ITGB6: variants seen among roughly 807,000 people sequenced by gnomAD.
The protein encoded by ITGB6 is integrin subunit beta 6.
A neutral mutation model predicts 84.5 loss-of-function variants in ITGB6; 80 were observed. The ratio of observed to expected loss-of-function variants is 0.95; its 90% CI spans 0.79 to 1.14. The LOEUF (loss-of-function observed/expected upper bound fraction) is 1.14. ITGB6 is among the 50% of genes most tolerant of loss of function. ITGB6 has a pLI of 0.00. For synonymous variants in ITGB6, 383 were observed against 354.9 expected, an observed-to-expected ratio of 1.08 and a Z score of -0.89; for missense variants, 1,006 against 968.0, an observed-to-expected ratio of 1.04 and a Z score of -0.52.
chr2:160,172,670 A>G lies in ITGB6; in HGVS notation c.820T>C (p.Ser274Pro), dbSNP rs1685257998. ...HLLVFVSDADSHFGMDSKLAG... is the reference protein window; with the variant it reads ...HLLVFVSDADPHFGMDSKLAG... Reference sequence around the variant, plus strand: ...AGTTTGCTGTCCATTCCAAAATGAGAATCAGCATCACTCACAAAGACCAGG... The same window carrying G: ...AGTTTGCTGTCCATTCCAAAATGAGGATCAGCATCACTCACAAAGACCAGG... The change falls in exon 6 of 15, where the codon TCT becomes CCT. Residue 274 changes from serine (S) to proline (P), a missense_variant. Transcript: ENST00000283249. The G allele has an allele frequency of 6.2e-7, 1 of 1,611,292 alleles. No homozygotes were observed. The highest frequency in any genetic ancestry group is 1.7e-5 in the Admixed American group (1 of 59,970).
chr2:160,195,445 C>T lies in ITGB6; in HGVS notation c.517G>A (p.Gly173Ser), dbSNP rs373088517. ...GGTTTTTCCACAAAAGATCCGAAGC[C>T]CAGTCTAAAGTTGCTGGTTAATTTA... ...MSKLTSNFRL[G>S]FGSFVEKPVS... Residue 173 changes from glycine (G) to serine (S), a missense_variant, in exon 4 of 15, where the codon GGC becomes AGC. Coordinates refer to ENST00000283249, the MANE Select transcript of ITGB6 (RefSeq NM_000888.5). The T allele has an allele frequency of 6.2e-7, 1 of 1,614,160 alleles. No individual in the cohort carries two copies. Among genetic ancestry groups the T allele is most frequent in the East Asian group, 2.2e-5 (1 of 44,882 alleles).
chr2:160,174,167 T>C (rs752781161), intron 4 of ITGB6, 28 bp from the exon 5 acceptor site: 2 of 1,522,204 alleles, frequency 1.3e-6, no homozygotes, highest in East Asian at 2.3e-5. Flanking sequence ...AAAAATACTG[T>C]TGATGAAATA....
intron 12 of ITGB6, among the ~76,000 whole-genome samples, chr2:160,115,141 G>T (rs998679608): frequency 1.3e-5 from 2 of 152,252 alleles, no homozygotes; most frequent in Non-Finnish European, 2.9e-5. Context: ...CAGCTTTGAA[G>T]AGAGTAGTGG....
rs1682980858 is a variant in ITGB6, at chr2:160,120,426, C to T, written c.1981+3365G>A. Among the ~76,000 whole-genome samples the T allele has an allele frequency of 4.3e-5, 2 of 46,274 alleles. 1 individual carries two copies. 30.4% of individuals were successfully genotyped at this position (46,274 alleles called of 152,430 possible). ...GTAAACTATCGCAAGAACAAAAAAC[C>T]AAACACCGCATATTCTCACTCATAG... is the stretch of plus-strand genomic sequence containing the variant. On this transcript the variant is annotated intron_variant, in intron 12 of 14. Coordinates refer to ENST00000283249, the MANE Select transcript of ITGB6 (RefSeq NM_000888.5).
Position 160,174,016 on chromosome 2 carries a change from G to C in ITGB6, c.717C>G (p.Pro239=), listed in dbSNP as rs61737769. The C allele has an allele frequency of 1.5e-3, 2,353 of 1,613,548 alleles. 35 individuals are homozygous for C. In the African/African-American group the frequency reaches 0.029, roughly 20 times the overall value. ...GCATAATTGCATCAAATCCACCTTCGGGTGTGTCAATATTAGCAGAAATTT... is the reference window on the plus strand; with the variant it reads ...GCATAATTGCATCAAATCCACCTTCCGGTGTGTCAATATTAGCAGAAATTT... ...NQKISANIDT[P]EGGFDAIMQA... is the part of the protein sequence containing the mutation. The change falls in exon 5 of 15, where the codon CCC becomes CCG. Residue 239 remains proline (P), a synonymous_variant. Coordinates refer to ENST00000283249, the MANE Select transcript of ITGB6 (RefSeq NM_000888.5).
At chr2:160,106,446 C>T (rs1696909690) in intron 14 of ITGB6, among the ~76,000 whole-genome samples, 1 of 152,066 alleles carries the variant, frequency 6.6e-6, no homozygotes, top group African/African-American at 2.4e-5. Context: ...TGCCATGTTG[C>T]CCAACTCGAA....
At chr2:160,131,363 T>C (rs1683461687) in intron 10 of ITGB6, among the ~76,000 whole-genome samples, 1 of 152,138 alleles carries the variant, frequency 6.6e-6, no homozygotes. Flanking sequence ...AGAAGCTGTA[T>C]GAAAAAGAAC....
intron 4 of ITGB6, among the ~76,000 whole-genome samples, chr2:160,183,930 A>G (rs560511284): frequency 7.2e-5 from 11 of 152,362 alleles, no homozygotes; most frequent in African/African-American, 2.2e-4. Context: ...TTTGAAACCA[A>G]TGAGAACAAA....
chr2:160,106,884 T>C (rs1167106520), intron 14 of ITGB6, among the ~76,000 whole-genome samples: 1 of 152,190 alleles, frequency 6.6e-6, no homozygotes, highest in East Asian at 1.9e-4. Context: ...TCCAGTGATA[T>C]CATTGTTGTT....
At chr2:160,199,142 A>G (rs780698118) in intron 2 of ITGB6, 37 bp downstream of exon 2, 13 of 1,508,954 alleles carry the variant, frequency 8.6e-6, no homozygotes, top group South Asian at 1.1e-5. Flanking sequence ...TTAACTGCAG[A>G]CAGGTTTTAA....
At chr2:160,150,587 G>A (rs1404282716) in intron 7 of ITGB6, among the ~76,000 whole-genome samples, 1 of 152,158 alleles carries the variant, frequency 6.6e-6, no homozygotes, top group African/African-American at 2.4e-5. Context: ...ATAATGACAG[G>A]ATGAAATTCA....
At chr2:160,130,804 G>A (rs182518685) in intron 10 of ITGB6, among the ~76,000 whole-genome samples, 8 of 152,242 alleles carry the variant, frequency 5.3e-5, no homozygotes, top group Non-Finnish European at 7.3e-5. Flanking sequence ...AAATTAATAT[G>A]ATTTACAAAT....
chr2:160,166,419 A>T (rs771639213), intron 7 of ITGB6, among the ~76,000 whole-genome samples: 4 of 152,230 alleles, frequency 2.6e-5, no homozygotes, highest in Non-Finnish European at 5.9e-5. Flanking sequence ...GAAATAGCCC[A>T]CAGTGATTAA....
At chr2:160,191,008 AAC>A (rs1010072728) in intron 4 of ITGB6, among the ~76,000 whole-genome samples, 23 of 152,286 alleles carry the variant, frequency 1.5e-4, no homozygotes, top group Admixed American at 1.2e-3. Flanking sequence ...TTGTAGGGGA[AAC>A]ACACAATATA....
At chr2:160,150,825 C>A (rs1160774504) in intron 7 of ITGB6, among the ~76,000 whole-genome samples, 16 of 151,884 alleles carry the variant, frequency 1.1e-4, no homozygotes, top group Non-Finnish European at 2.4e-4. Flanking sequence ...ATAAAACAGA[C>A]TTTAAACCAA....
At chr2:160,124,283 G>T (rs1388663149) in intron 11 of ITGB6, among the ~76,000 whole-genome samples, 1 of 152,202 alleles carries the variant, frequency 6.6e-6, no homozygotes, top group Non-Finnish European at 1.5e-5. Context: ...TTTCTTGACA[G>T]AAATGGTCTA....
intron 8 of ITGB6, 23 bp downstream of exon 8, chr2:160,141,959 A>G (rs1390448761): frequency 1.4e-6 from 2 of 1,470,632 alleles, no homozygotes; most frequent in Non-Finnish European, 1.9e-6. Context: ...TGCAAAAAAG[A>G]AGCCAGCTGT....
chr2:160,189,107 A>G (rs955166324), intron 4 of ITGB6, among the ~76,000 whole-genome samples: 2 of 152,198 alleles, frequency 1.3e-5, no homozygotes, highest in Non-Finnish European at 2.9e-5. Flanking sequence ...TGGGGAAAGG[A>G]TTCCCTATTT....
At chr2:160,170,645 A>G (rs1685165696) in intron 6 of ITGB6, among the ~76,000 whole-genome samples, 1 of 152,174 alleles carries the variant, frequency 6.6e-6, no homozygotes, top group African/African-American at 2.4e-5. Flanking sequence ...AAGGCCAGGA[A>G]CCACCTTGTA....
Sources: allele counts gnomAD v4.1 joint callset (sites outside exome capture counted in the v4.1 genomes callset), GRCh38; gene constraint gnomAD v4.1.1; transcripts MANE v1.5; gene names NCBI Gene and HGNC (gene_info 2026-07-23, HGNC 2026-07-21).